The following RS1 variants were observed in gnomAD, a reference collection of about 807,000 sequenced individuals.
The protein encoded by RS1 is retinoschisin.
A neutral mutation model predicts 20.8 loss-of-function variants in RS1; 2 were observed. That is an observed-to-expected ratio of 0.10 (90% CI 0.04 to 0.30). RS1 has a LOEUF of 0.30. RS1 is among the 10% of genes least tolerant of loss of function. RS1 has a pLI of 1.00. For synonymous variants in RS1, 70 were observed against 75.8 expected (o/e 0.92, Z 0.40); for missense variants, 151 against 189.8 (o/e 0.80, Z 1.20).
intron 1 of RS1, among the ~76,000 whole-genome samples, chrX:18,662,145 T>C (rs1261612673): frequency 4.5e-5 from 5 of 112,337 alleles, no homozygotes; most frequent in Non-Finnish European, 9.4e-5. Flanking sequence ...GCTGGCACCT[T>C]GATCGTGGAC....
intron 4 of RS1, 24 bp from the exon 5 acceptor site, chrX:18,644,649 C>T (rs375701039): frequency 2.0e-5 from 24 of 1,195,205 alleles, no homozygotes; most frequent in Middle Eastern, 2.6e-4. Context: ...ACCGAGTCAC[C>T]GAGAGACTCC....
At position 18,642,003 on chromosome X, in the gene RS1, A is replaced by G. The variant is rs377299974; in HGVS notation, c.*1T>C. The G allele has an allele frequency of 6.6e-6, 8 of 1,209,538 alleles. No individual in the cohort carries two copies. The African/African-American group carries it at 1.4e-4, about 21-fold the overall frequency. On this transcript the variant is annotated 3_prime_UTR_variant, in exon 6 of 6. Coordinates refer to ENST00000379984, the MANE Select transcript of RS1 (RefSeq NM_000330.4). Reference sequence around the variant, plus strand: ...TGGCAGGCGCCGAGCTGAGGCAGGCATCAGGCACACTTGCTGACGCACTCC... The same window carrying G: ...TGGCAGGCGCCGAGCTGAGGCAGGCGTCAGGCACACTTGCTGACGCACTCC...
chrX:18,656,557 G>T (rs1261518653), intron 3 of RS1, 96 bp downstream of exon 3: 3 of 625,547 alleles, frequency 4.8e-6, no homozygotes, highest in African/African-American at 2.2e-5. Flanking sequence ...AAAGATGGGG[G>T]TAGCGTTCAG....
At position 18,660,263 on chromosome X, in the gene RS1, T is replaced by TG. The variant is rs781236721; in HGVS notation, c.53-2599_53-2598insC. Among the ~76,000 whole-genome samples the TG allele has an allele frequency of 2.0e-3, 225 of 110,605 alleles. 1 individual carries two copies. Among genetic ancestry groups the TG allele is most frequent in the African/African-American group, 6.9e-3 (211 of 30,405 alleles). Reference sequence around the variant, plus strand: ...CAAAACTCCATTTCCCAGACTTGTTTTTTTTTTTTTCTTTTGAGACTGGCT... The same window carrying TG: ...CAAAACTCCATTTCCCAGACTTGTTTGTTTTTTTTTTCTTTTGAGACTGGCT... On this transcript the variant is annotated intron_variant, in intron 1 of 5. Coordinates refer to ENST00000379984, the MANE Select transcript of RS1 (RefSeq NM_000330.4).
At chrX:18,647,861 C>A (rs1187196567) in intron 3 of RS1, among the ~76,000 whole-genome samples, 1 of 107,307 alleles carries the variant, frequency 9.3e-6, no homozygotes, top group Non-Finnish European at 1.9e-5. Flanking sequence ...TGACTTCCTA[C>A]TTGTAAATTG....
rs183092299 is a variant in RS1, at chrX:18,647,283, C to G, written c.234G>C (p.Pro78=). 1 of 1,210,581 alleles carries G rather than the reference C, an allele frequency of 8.3e-7. No homozygotes were observed. The highest frequency in any genetic ancestry group is 1.8e-5 in the South Asian group (1 of 56,959). ...CCGGGTTAGAGCAGGTGATCTGGTCCGGTGTGACCTCCCCTGACTCGAAAC... is the reference window on the plus strand; with the variant it reads ...CCGGGTTAGAGCAGGTGATCTGGTCGGGTGTGACCTCCCCTGACTCGAAAC... ...PLGFESGEVT[P]DQITCSNPEQ... Residue 78 remains proline, a synonymous_variant, in exon 4 of 6, where the codon CCG becomes CCC. Transcript: ENST00000379984.
chrX:18,662,476 A>G (rs1265417698), intron 1 of RS1, among the ~76,000 whole-genome samples: 24 of 109,765 alleles, frequency 2.2e-4, no homozygotes, highest in Non-Finnish European at 3.8e-4. Flanking sequence ...GACAGGCCCC[A>G]GTGTGTGATG....
intron 1 of RS1, among the ~76,000 whole-genome samples, chrX:18,665,288 C>T (rs1928386343): frequency 8.9e-6 from 1 of 112,497 alleles, no homozygotes; most frequent in Admixed American, 9.4e-5. Flanking sequence ...GCGCAAAACG[C>T]TTTGGCGGGT....
chrX:18,648,511 G>A (rs1927888339), intron 3 of RS1, among the ~76,000 whole-genome samples: 1 of 110,963 alleles, frequency 9.0e-6, no homozygotes, highest in Non-Finnish European at 1.9e-5. Flanking sequence ...CAAGGCACTA[G>A]GGATTACAGG....
At chrX:18,647,137 GA>G in intron 4 of RS1, 53 bp downstream of exon 4, 1 of 1,188,117 alleles carries the variant, frequency 8.4e-7, no homozygotes, top group Non-Finnish European at 1.1e-6. Flanking sequence ...CGCTGGTAGA[GA>G]GGCCTATTTT....
Position 18,641,937 on chromosome X carries a change from T to G in RS1, c.*67A>C. On this transcript the variant is annotated 3_prime_UTR_variant, in exon 6 of 6. Coordinates refer to ENST00000379984, the MANE Select transcript of RS1 (RefSeq NM_000330.4). ...TAGCCCTGTCCATCTCGGTGGTGTG[T>G]GAGGGGGTCCCCTACGGCCCGCTCT... is the stretch of plus-strand genomic sequence containing the variant. 2 of 1,096,614 alleles carry G rather than the reference T, an allele frequency of 1.8e-6. No individual in the cohort carries two copies. The highest frequency in any genetic ancestry group is 2.5e-6 in the Non-Finnish European group (2 of 807,312). 90.4% of individuals were successfully genotyped at this position (1,096,614 alleles called of 1,213,427 possible). A position where few individuals can be genotyped will look rare whatever the true frequency, so the allele number is the denominator to read the frequency against.
At chrX:18,665,958 C>T (rs895207037) in intron 1 of RS1, among the ~76,000 whole-genome samples, 1 of 109,038 alleles carries the variant, frequency 9.2e-6, no homozygotes, top group South Asian at 3.9e-4. Flanking sequence ...CTTTTCAGTC[C>T]ACCTTTTTCT....
rs781282917 is a variant in RS1, at chrX:18,672,083, C to G, written c.-15G>C. The G allele has an allele frequency of 2.0e-5, 24 of 1,203,522 alleles. No individual in the cohort carries two copies. Among genetic ancestry groups the G allele is most frequent in the Admixed American group, 4.4e-5 (2 of 45,471 alleles). ...TTGCGTGACATCTTCCCCTCGTCCT[C>G]GGCCAAAGCTCTACCTTACTGAACT... On this transcript the variant is annotated 5_prime_UTR_variant, in exon 1 of 6. Transcript: ENST00000379984.
At chrX:18,653,592 A>G (rs1928143597) in intron 3 of RS1, 5 of 1,174,181 alleles carry the variant, frequency 4.3e-6, no homozygotes, top group Non-Finnish European at 5.8e-6. Context: ...CACCTCTCTC[A>G]TGGAAGAACC....
intron 3 of RS1, among the ~76,000 whole-genome samples, chrX:18,654,682 G>A (rs926841558): frequency 2.9e-4 from 32 of 111,424 alleles, no homozygotes; most frequent in Middle Eastern, 4.2e-3. Flanking sequence ...TAATGGCTGC[G>A]TGAGCTCATG....
chrX:18,656,647 A>G lies in RS1; in HGVS notation c.184+6T>C, dbSNP rs779216366. The G allele has an allele frequency of 2.6e-6, 3 of 1,175,169 alleles. No individual in the cohort carries two copies. The Admixed American group carries it at 6.5e-5, about 26-fold the overall frequency. On this transcript the variant is annotated splice_donor_region_variant and intron_variant, in intron 3 of 5. Coordinates refer to ENST00000379984, the MANE Select transcript of RS1 (RefSeq NM_000330.4). ...CTGTTCCATCCCAAGGACAGGGGAT[A>G]CTCACCTGGTATACAGTCCAAGGAG...
intron 3 of RS1, among the ~76,000 whole-genome samples, chrX:18,649,853 G>T (rs147249239): frequency 8.9e-6 from 1 of 112,036 alleles, no homozygotes; most frequent in Non-Finnish European, 1.9e-5. Context: ...GAGCGATCAG[G>T]GGGAGGGGCA....
At chrX:18,650,252 G>A in intron 3 of RS1, 1 of 523,485 alleles carries the variant, frequency 1.9e-6, no homozygotes, top group East Asian at 3.6e-5. Flanking sequence ...GGCTCACTCT[G>A]CGATCTAAAG....
At chrX:18,643,488 C>T (rs1057341205) in intron 5 of RS1, among the ~76,000 whole-genome samples, 7 of 112,399 alleles carry the variant, frequency 6.2e-5, no homozygotes, top group Non-Finnish European at 1.3e-4. Context: ...GGTGAAGTGC[C>T]TCTTTGCAAA....
Sources: gnomAD v4.1 joint callset for allele counts (sites outside exome capture counted in the v4.1 genomes callset) on GRCh38, gnomAD v4.1.1 for gene constraint, MANE v1.5 for transcripts, NCBI Gene and HGNC (gene_info 2026-07-23, HGNC 2026-07-21) for gene names.